Variants in ST6GALNAC3 observed in about 807,000 individuals in gnomAD.
ST6GALNAC3 encodes ST6 N-acetylgalactosaminide alpha-2,6-sialyltransferase 3, also known as alpha-N-acetylgalactosaminide alpha-2,6-sialyltransferase 3.
In ST6GALNAC3, 25 loss-of-function variants were observed where a neutral mutation model predicts 32.7. The observed-to-expected ratio is 0.76, with a 90% confidence interval of 0.56 to 1.07. The LOEUF (loss-of-function observed/expected upper bound fraction) is 1.07. Ranked by LOEUF, ST6GALNAC3 falls within the 50% of genes least tolerant of loss-of-function variation. ST6GALNAC3 has a pLI of 0.00. For synonymous variants in ST6GALNAC3, 129 were observed against 133.1 expected, an observed-to-expected ratio of 0.97 and a Z score of 0.21; for missense variants, 355 against 382.4, an observed-to-expected ratio of 0.93 and a Z score of 0.60.
In ST6GALNAC3 at chr1:76,114,941, GA is replaced by G. The variant is rs199778792; in HGVS notation, c.18+40065del. ...TCAAAAAAAAAAAAAAAAAGAAAAA[GA>G]AAAAAAAGGTAGGTTTCTGCTCTTG... On this transcript the variant is annotated intron_variant, in intron 1 of 4. Coordinates refer to ENST00000328299, the MANE Select transcript of ST6GALNAC3 (RefSeq NM_152996.4). 2.2e-3 allele frequency among the ~76,000 whole-genome samples: 330 copies of G among 146,862 alleles called. 2 individuals carry two copies. Among genetic ancestry groups the G allele is most frequent in the African/African-American group, 8.0e-3 (318 of 39,952 alleles).
At chr1:76,491,086 A>C (rs1262006199) in intron 3 of ST6GALNAC3, among the ~76,000 whole-genome samples, 1 of 151,796 alleles carries the variant, frequency 6.6e-6, no homozygotes, top group Non-Finnish European at 1.5e-5. Flanking sequence ...TCGAACTCCC[A>C]ACCTCAGGTG....
At chr1:76,379,050 A>G (rs1394755827) in intron 2 of ST6GALNAC3, among the ~76,000 whole-genome samples, 1 of 152,108 alleles carries the variant, frequency 6.6e-6, no homozygotes, top group East Asian at 1.9e-4. Context: ...GGTGCCTGCC[A>G]CCACGGCCGG....
At chr1:76,198,682 C>T (rs75867036) in intron 1 of ST6GALNAC3, among the ~76,000 whole-genome samples, 2,577 of 152,174 alleles carry the variant, frequency 0.017, 81 homozygotes, top group African/African-American at 0.059. Context: ...TGGTGCTTTT[C>T]ACTGATGAAG....
chr1:76,081,315 A>G (rs917209011), intron 1 of ST6GALNAC3, among the ~76,000 whole-genome samples: 1 of 151,522 alleles, frequency 6.6e-6, no homozygotes, highest in Non-Finnish European at 1.5e-5. Flanking sequence ...AGCAAATCGC[A>G]AAAGAAATCT....
At chr1:76,576,808 T>A in intron 3 of ST6GALNAC3, 1 of 1,300,098 alleles carries the variant, frequency 7.7e-7, no homozygotes, top group Non-Finnish European at 1.0e-6. Context: ...CTAACTAATT[T>A]TCTTCTGCCA....
chr1:76,323,327 A>G (rs955764894), intron 2 of ST6GALNAC3, among the ~76,000 whole-genome samples: 1 of 152,228 alleles, frequency 6.6e-6, no homozygotes, highest in Admixed American at 6.5e-5. Context: ...AGGTTAAATG[A>G]CAGTCACTGT....
At chr1:76,354,992 T>A (rs1051893725) in intron 2 of ST6GALNAC3, among the ~76,000 whole-genome samples, 11 of 152,246 alleles carry the variant, frequency 7.2e-5, no homozygotes, top group African/African-American at 2.7e-4. Context: ...GTTGACTTTA[T>A]TGACTGAAAC....
intron 1 of ST6GALNAC3, among the ~76,000 whole-genome samples, chr1:76,097,234 G>A (rs1444366453): frequency 2.0e-5 from 3 of 152,074 alleles, no homozygotes; most frequent in Non-Finnish European, 4.4e-5. Context: ...ATTGTTTTAT[G>A]TATGGCTTCT....
intron 3 of ST6GALNAC3, among the ~76,000 whole-genome samples, chr1:76,625,645 C>G (rs1172313404): frequency 6.6e-6 from 1 of 151,850 alleles, no homozygotes; most frequent in Non-Finnish European, 1.5e-5. Flanking sequence ...GTGCTTTAAG[C>G]AATTCCCATC....
chr1:76,277,597 TATATATATATATATACAC>T (rs1659237346), intron 1 of ST6GALNAC3, among the ~76,000 whole-genome samples: 2 of 45,198 alleles, frequency 4.4e-5, no homozygotes, highest in East Asian at 1.4e-3. Flanking sequence ...TGTGTATATA[TATATATATATATATACAC>T]ACACACACAC....
intron 1 of ST6GALNAC3, among the ~76,000 whole-genome samples, chr1:76,195,203 A>G (rs1654129761): frequency 6.6e-6 from 1 of 152,206 alleles, no homozygotes; most frequent in Non-Finnish European, 1.5e-5. Flanking sequence ...TGTTAAGATT[A>G]TTTCATTCAT....
intron 3 of ST6GALNAC3, among the ~76,000 whole-genome samples, chr1:76,427,543 A>G (rs74089934): frequency 0.011 from 1,624 of 152,176 alleles, 28 homozygotes; most frequent in African/African-American, 0.037. Flanking sequence ...CGTATCTCCA[A>G]ACTATATGAG....
chr1:76,297,287 T>C (rs1403289834), intron 1 of ST6GALNAC3, among the ~76,000 whole-genome samples: 1 of 152,084 alleles, frequency 6.6e-6, no homozygotes, highest in Non-Finnish European at 1.5e-5. Context: ...GCAATAATTA[T>C]TTTTTGCCTG....
intron 2 of ST6GALNAC3, among the ~76,000 whole-genome samples, chr1:76,363,012 A>G (rs1326022918): frequency 1.3e-5 from 2 of 152,134 alleles, no homozygotes; most frequent in Non-Finnish European, 2.9e-5. Context: ...TCTCCTCCAC[A>G]TTGCCCTGGT....
chr1:76,362,934 T>A (rs1412796510), intron 2 of ST6GALNAC3, among the ~76,000 whole-genome samples: 1 of 152,206 alleles, frequency 6.6e-6, no homozygotes, highest in African/African-American at 2.4e-5. Context: ...GGACAGTGGC[T>A]GTCTTCTCAC....
intron 1 of ST6GALNAC3, among the ~76,000 whole-genome samples, chr1:76,135,174 T>C (rs892283046): frequency 1.3e-5 from 2 of 152,138 alleles, no homozygotes; most frequent in Non-Finnish European, 2.9e-5. Flanking sequence ...TTCTTAAAAG[T>C]AAATTTGGAA....
intron 1 of ST6GALNAC3, among the ~76,000 whole-genome samples, chr1:76,075,831 C>G (rs958479599): frequency 6.6e-6 from 1 of 152,044 alleles, no homozygotes; most frequent in Non-Finnish European, 1.5e-5. Context: ...GTTGTCCAAG[C>G]CTGGGGGAAC....
At chr1:76,332,797 G>A (rs370131328) in intron 2 of ST6GALNAC3, among the ~76,000 whole-genome samples, 7 of 152,198 alleles carry the variant, frequency 4.6e-5, no homozygotes, top group African/African-American at 1.4e-4. Context: ...AAATTATACA[G>A]TATACTTTAT....
At chr1:76,233,846 C>G (rs576244658) in intron 1 of ST6GALNAC3, among the ~76,000 whole-genome samples, 1 of 152,076 alleles carries the variant, frequency 6.6e-6, no homozygotes, top group Admixed American at 6.5e-5. Flanking sequence ...CAACCATATA[C>G]TTTTTGTATA....
Sources: gnomAD v4.1 joint callset for allele counts (sites outside exome capture counted in the v4.1 genomes callset) on GRCh38, gnomAD v4.1.1 for gene constraint, MANE v1.5 for transcripts, NCBI Gene and HGNC (gene_info 2026-07-23, HGNC 2026-07-21) for gene names.